Variants in ROBO2 observed in about 807,000 individuals in gnomAD.
The protein encoded by ROBO2 is roundabout guidance receptor 2, also known as roundabout homolog 2.
A neutral mutation model predicts 160.8 loss-of-function variants in ROBO2; 53 were observed. The ratio of observed to expected loss-of-function variants is 0.33; its 90% confidence interval spans 0.26 to 0.41. The LOEUF is 0.41. Ranked by LOEUF, ROBO2 falls within the 10% of genes least tolerant of loss-of-function variation. The pLI is 1.00. For missense variants in ROBO2, 1,577 were observed against 1,722.4 expected (o/e 0.92, Z 1.49); for synonymous variants, 664 against 611.7 (o/e 1.09, Z -1.26).
intron 2 of ROBO2, among the ~76,000 whole-genome samples, chr3:76,159,884 A>C (rs2072553926): frequency 6.6e-6 from 1 of 152,130 alleles, no homozygotes; most frequent in African/African-American, 2.4e-5. Flanking sequence ...ATTAAGAAAC[A>C]AAAAAGATGT....
At chr3:76,886,987 T>C (rs767152671) in intron 2 of ROBO2, among the ~76,000 whole-genome samples, 6 of 152,212 alleles carry the variant, frequency 3.9e-5, no homozygotes, top group Non-Finnish European at 5.9e-5. Context: ...AAAGTTTTCA[T>C]TGGGCACAAC....
intron 1 of ROBO2, among the ~76,000 whole-genome samples, chr3:75,907,693 G>A (rs1946405882): frequency 6.6e-6 from 1 of 152,186 alleles, no homozygotes; most frequent in African/African-American, 2.4e-5. Flanking sequence ...TGAGAAAAGT[G>A]ATGAGTTAAC....
intron 2 of ROBO2, among the ~76,000 whole-genome samples, chr3:76,828,080 C>T (rs1033466316): frequency 6.6e-6 from 1 of 152,112 alleles, no homozygotes. Context: ...AAAGTTATGT[C>T]ATTAGACATG....
At chr3:75,908,072 CAAT>C (rs1275128560) in intron 1 of ROBO2, among the ~76,000 whole-genome samples, 2 of 151,894 alleles carry the variant, frequency 1.3e-5, no homozygotes, top group African/African-American at 4.8e-5. Flanking sequence ...GAATACCTGT[CAAT>C]AAAATCGGTG....
intron 2 of ROBO2, among the ~76,000 whole-genome samples, chr3:77,322,764 T>G (rs956771308): frequency 7.2e-6 from 1 of 138,640 alleles, no homozygotes; most frequent in African/African-American, 2.7e-5. Context: ...TATAATATAT[T>G]ATATTATACA....
chr3:76,603,756 G>A (rs2087424443), intron 2 of ROBO2, among the ~76,000 whole-genome samples: 1 of 151,922 alleles, frequency 6.6e-6, no homozygotes, highest in Non-Finnish European at 1.5e-5. Context: ...TGTCTAGAGA[G>A]GAATAACAGT....
intron 2 of ROBO2, among the ~76,000 whole-genome samples, chr3:76,611,162 G>A (rs2088088465): frequency 6.6e-6 from 1 of 152,140 alleles, no homozygotes; most frequent in Non-Finnish European, 1.5e-5. Flanking sequence ...GGGGTTAGAA[G>A]TTGTCCCTTG....
intron 2 of ROBO2, among the ~76,000 whole-genome samples, chr3:76,106,985 T>G (rs920987769): frequency 6.6e-6 from 1 of 152,020 alleles, no homozygotes; most frequent in African/African-American, 2.4e-5. Flanking sequence ...TGTAGATATA[T>G]CTCTGTACAT....
intron 2 of ROBO2, among the ~76,000 whole-genome samples, chr3:76,603,353 T>C (rs1431399451): frequency 3.6e-5 from 2 of 56,022 alleles, no homozygotes; most frequent in East Asian, 1.3e-3. Flanking sequence ...AAAAAAAAAA[T>C]ATATATATAT....
rs34047566 is a variant in ROBO2 at position 76,639,464 on chromosome 3, T to TCACACACA, written c.110-458531_110-458524dup. Among the ~76,000 whole-genome samples the TCACACACA allele has an allele frequency of 1.1e-3, 165 of 149,202 alleles. 1 individual carries two copies. The highest frequency in any genetic ancestry group is 8.3e-3 in the South Asian group (39 of 4,712). Reference sequence around the variant, plus strand: ...TATATATAAGTGTACCTACACTCTCTCACACACACACACACACACACACAC... The same window carrying TCACACACA: ...TATATATAAGTGTACCTACACTCTCTCACACACACACACACACACACACACACACACAC... On this transcript the variant is annotated intron_variant, in intron 2 of 26. Coordinates refer to the ROBO2 transcript ENST00000487694.
intron 2 of ROBO2, among the ~76,000 whole-genome samples, chr3:75,957,215 A>C (rs1214870259): frequency 7.2e-6 from 1 of 138,522 alleles, no homozygotes; most frequent in Admixed American, 8.3e-5. Context: ...ATACACGCAC[A>C]CACACACAAA....
chr3:76,822,581 A>G (rs2066214761), intron 2 of ROBO2, among the ~76,000 whole-genome samples: 1 of 151,908 alleles, frequency 6.6e-6, no homozygotes, highest in South Asian at 2.1e-4. Context: ...TAACTCTTCA[A>G]CCTATTATCC....
chr3:76,681,947 A>G (rs2092574283), intron 2 of ROBO2, among the ~76,000 whole-genome samples: 1 of 152,164 alleles, frequency 6.6e-6, no homozygotes. Context: ...TCAGGCTAGG[A>G]GTAAACTGAC....
At chr3:76,271,461 A>G (rs552346798) in intron 2 of ROBO2, among the ~76,000 whole-genome samples, 250 of 150,944 alleles carry the variant, frequency 1.7e-3, no homozygotes, top group African/African-American at 5.7e-3. Flanking sequence ...CCTTTCTGGT[A>G]GTGACCTAGA....
chr3:77,235,227 A>C (rs1419983732), intron 2 of ROBO2, among the ~76,000 whole-genome samples: 3 of 152,220 alleles, frequency 2.0e-5, no homozygotes, highest in Non-Finnish European at 4.4e-5. Flanking sequence ...AATTATGACT[A>C]ATCATGAAAG....
chr3:76,933,830 T>A (rs2077508173), intron 2 of ROBO2, among the ~76,000 whole-genome samples: 1 of 152,226 alleles, frequency 6.6e-6, no homozygotes. Flanking sequence ...GTGATTATTA[T>A]AACTGCACTC....
At chr3:77,296,489 G>GT (rs746686074) in intron 2 of ROBO2, among the ~76,000 whole-genome samples, 1 of 152,098 alleles carries the variant, frequency 6.6e-6, no homozygotes, top group South Asian at 2.1e-4. Flanking sequence ...TCAGATGTTG[G>GT]TTTTTTGTTT....
At chr3:76,011,519 C>A (rs541528487) in intron 2 of ROBO2, among the ~76,000 whole-genome samples, 1 of 152,144 alleles carries the variant, frequency 6.6e-6, no homozygotes, top group African/African-American at 2.4e-5. Flanking sequence ...TTTCTTTATA[C>A]GAGACCTCGC....
chr3:76,434,109 A>G (rs1444710067), intron 2 of ROBO2: 3 of 1,257,542 alleles, frequency 2.4e-6, no homozygotes, highest in Admixed American at 1.7e-5. Flanking sequence ...CACCGTGGGT[A>G]TGGAGACAGC....
Sources: gnomAD v4.1 joint callset for allele counts (sites outside exome capture counted in the v4.1 genomes callset) on GRCh38, gnomAD v4.1.1 for gene constraint, MANE v1.5 for transcripts, NCBI Gene and HGNC (gene_info 2026-07-23, HGNC 2026-07-21) for gene names.